PTPRD: variants seen among roughly 807,000 people sequenced by gnomAD.
PTPRD encodes receptor-type tyrosine-protein phosphatase delta.
Under a neutral mutation model 214.5 loss-of-function variants are expected in PTPRD, and 34 were observed. The observed-to-expected ratio is 0.16, with a 90% confidence interval of 0.12 to 0.21. PTPRD has a LOEUF of 0.21. Ranked by LOEUF, PTPRD falls within the 10% of genes least tolerant of loss-of-function variation. The probability of loss-of-function intolerance (pLI) is 1.00; values close to 1 mark genes in which losing one functional copy is unlikely to be tolerated. For synonymous variants in PTPRD, 1,128 were observed against 845.7 expected (o/e 1.33, Z -5.79); for missense variants, 2,545 against 2,398.7 (o/e 1.06, Z -1.27).
chr9:8,325,181 G>C (rs1245250112), intron 44 of PTPRD, among the ~76,000 whole-genome samples: 7 of 150,130 alleles, frequency 4.7e-5, no homozygotes, highest in African/African-American at 1.7e-4. Flanking sequence ...GTATACCTAT[G>C]TCCTGAATGG....
chr9:9,006,114 A>G (rs1589663006), intron 11 of PTPRD, among the ~76,000 whole-genome samples: 1 of 152,006 alleles, frequency 6.6e-6, no homozygotes, highest in Non-Finnish European at 1.5e-5. Flanking sequence ...AGCACAGTGC[A>G]ACTGATTCAT....
At chr9:8,537,589 T>G (rs184049756) in intron 14 of PTPRD, among the ~76,000 whole-genome samples, 2 of 152,046 alleles carry the variant, frequency 1.3e-5, no homozygotes, top group African/African-American at 4.8e-5. Context: ...TCTCGAAAGA[T>G]TTCTCATAGA....
At chr9:9,879,863 T>C (rs1005711893) in intron 5 of PTPRD, among the ~76,000 whole-genome samples, 3 of 152,306 alleles carry the variant, frequency 2.0e-5, no homozygotes, top group East Asian at 1.9e-4. Context: ...AGCCTGGAGA[T>C]AAGAATAATC....
chr9:9,165,764 T>G (rs941902651), intron 10 of PTPRD, among the ~76,000 whole-genome samples: 1 of 152,182 alleles, frequency 6.6e-6, no homozygotes, highest in African/African-American at 2.4e-5. Context: ...AGTCAATGTG[T>G]GATATTAAAG....
intron 44 of PTPRD, among the ~76,000 whole-genome samples, chr9:8,322,639 CA>C (rs1333003528): frequency 1.3e-5 from 2 of 152,260 alleles, no homozygotes; most frequent in Admixed American, 6.5e-5. Context: ...AACCCCATAA[CA>C]TAAAAGTGCA....
intron 12 of PTPRD, among the ~76,000 whole-genome samples, chr9:8,705,677 A>T (rs2154399268): frequency 6.6e-6 from 1 of 152,366 alleles, no homozygotes. Context: ...AAAATAATTT[A>T]TCATATTCAC....
Position 8,661,041 on chromosome 9 carries a change from T to C in PTPRD, c.65-24197A>G, listed in dbSNP as rs544127863. On this transcript the variant is annotated intron_variant, in intron 12 of 45. Coordinates refer to ENST00000381196, the MANE Select transcript of PTPRD (RefSeq NM_002839.4). The stretch of plus-strand genomic sequence containing the variant: ...TCATTTCCCTTTTGCAGATGATGAA[T>C]CTGAGGCTTATTGTTCTCAAAATCA... Among the ~76,000 whole-genome samples the C allele has an allele frequency of 2.0e-5, 3 of 152,176 alleles. No homozygotes were observed. The East Asian group carries it at 5.8e-4, about 29-fold the overall frequency.
At chr9:9,685,862 T>C (rs2097157735) in intron 7 of PTPRD, among the ~76,000 whole-genome samples, 1 of 151,488 alleles carries the variant, frequency 6.6e-6, no homozygotes, top group Non-Finnish European at 1.5e-5. Context: ...CCAGTAACTT[T>C]GATTCATTCT....
intron 9 of PTPRD, among the ~76,000 whole-genome samples, chr9:9,386,619 T>C (rs187650500): frequency 7.6e-4 from 116 of 152,278 alleles, no homozygotes; most frequent in African/African-American, 2.7e-3. Context: ...GCAAAATGCA[T>C]TTTAAATAGC....
chr9:9,754,282 A>C (rs377101164), intron 6 of PTPRD, among the ~76,000 whole-genome samples: 71 of 152,152 alleles, frequency 4.7e-4, no homozygotes, highest in African/African-American at 1.7e-3. Flanking sequence ...ACAAATTCTT[A>C]CACGCCCCGT....
chr9:8,776,004 C>G (rs867689706), intron 11 of PTPRD, among the ~76,000 whole-genome samples: 11 of 152,250 alleles, frequency 7.2e-5, no homozygotes, highest in Middle Eastern at 6.8e-3. Context: ...TGCTTCGAAA[C>G]TATGAGTTAA....
At chr9:9,100,163 C>T (rs1169457249) in intron 10 of PTPRD, among the ~76,000 whole-genome samples, 1 of 152,038 alleles carries the variant, frequency 6.6e-6, no homozygotes, top group Non-Finnish European at 1.5e-5. Flanking sequence ...TACTTGAAAG[C>T]ATGTGTTCCT....
At chr9:8,380,394 AAAG>A (rs1456610101) in intron 37 of PTPRD, among the ~76,000 whole-genome samples, 2 of 152,180 alleles carry the variant, frequency 1.3e-5, no homozygotes, top group Non-Finnish European at 2.9e-5. Context: ...CAGAGGTGGA[AAAG>A]AAGAACAGCA....
intron 9 of PTPRD, among the ~76,000 whole-genome samples, chr9:9,269,153 C>A (rs998470217): frequency 6.0e-5 from 9 of 151,260 alleles, no homozygotes; most frequent in African/African-American, 2.2e-4. Flanking sequence ...GGAACCCATA[C>A]AACTCAACAA....
At chr9:9,251,749 A>G (rs895870321) in intron 9 of PTPRD, among the ~76,000 whole-genome samples, 2 of 152,116 alleles carry the variant, frequency 1.3e-5, no homozygotes, top group Non-Finnish European at 2.9e-5. Flanking sequence ...GAAAGAAGCC[A>G]AAAGTAATTG....
chr9:9,741,287 G>A (rs1444294636), intron 6 of PTPRD, among the ~76,000 whole-genome samples: 1 of 151,928 alleles, frequency 6.6e-6, no homozygotes, highest in Non-Finnish European at 1.5e-5. Flanking sequence ...AAGAAACATG[G>A]GAGAAAAGAA....
At chr9:9,531,343 G>T (rs1320410005) in intron 8 of PTPRD, among the ~76,000 whole-genome samples, 1 of 152,114 alleles carries the variant, frequency 6.6e-6, no homozygotes, top group Non-Finnish European at 1.5e-5. Flanking sequence ...AGGGCTGAGA[G>T]AATATGTGGC....
chr9:8,708,655 G>A (rs940094277), intron 12 of PTPRD, among the ~76,000 whole-genome samples: 1 of 143,826 alleles, frequency 7.0e-6, no homozygotes, highest in African/African-American at 2.6e-5. Context: ...CTCCAGCCTG[G>A]GTGACAAGAG....
At chr9:9,752,474 T>C (rs1209940027) in intron 6 of PTPRD, among the ~76,000 whole-genome samples, 1 of 152,022 alleles carries the variant, frequency 6.6e-6, no homozygotes, top group Admixed American at 6.6e-5. Flanking sequence ...GACACTGGAA[T>C]CCTTGTGTAC....
Sources: allele counts gnomAD v4.1 joint callset (sites outside exome capture counted in the v4.1 genomes callset), GRCh38; gene constraint gnomAD v4.1.1; transcripts MANE v1.5; gene names NCBI Gene and HGNC (gene_info 2026-07-23, HGNC 2026-07-21).